Variants in DCHS2 observed in about 807,000 individuals in gnomAD.
The protein encoded by DCHS2 is dachsous cadherin-related 2.
Under a neutral mutation model 182.4 loss-of-function variants are expected in DCHS2, and 142 were observed. The ratio of observed to expected loss-of-function variants is 0.78; its 90% CI spans 0.68 to 0.89. The LOEUF is 0.89. Among genes scored for constraint, DCHS2 ranks in the 40% least tolerant of loss-of-function variants. The pLI is 0.00. For missense variants in DCHS2, 4,319 were observed against 4,198.6 expected, an observed-to-expected ratio of 1.03 and a Z score of -0.79; for synonymous variants, 1,740 against 1,663.3, an observed-to-expected ratio of 1.05 and a Z score of -1.12.
intron 3 of DCHS2, among the ~76,000 whole-genome samples, chr4:154,342,389 A>T (rs1469470792): frequency 6.6e-6 from 1 of 152,116 alleles, no homozygotes; most frequent in Non-Finnish European, 1.5e-5. Context: ...TGCCACATTG[A>T]TTGACTCTTC....
At chr4:154,262,750 A>AT (rs1160773904) in intron 14 of DCHS2, among the ~76,000 whole-genome samples, 1 of 152,224 alleles carries the variant, frequency 6.6e-6, no homozygotes, top group Non-Finnish European at 1.5e-5. Flanking sequence ...TATGTTATTC[A>AT]GTAGCTTTCA....
At chr4:154,275,073 T>A (rs556262557) in intron 13 of DCHS2, among the ~76,000 whole-genome samples, 30 of 151,850 alleles carry the variant, frequency 2.0e-4, no homozygotes, top group Non-Finnish European at 4.1e-4. Flanking sequence ...GTAAAAGGAT[T>A]TTACTGTAAA....
chr4:154,312,317 G>C (rs975992464), intron 10 of DCHS2, among the ~76,000 whole-genome samples: 23 of 152,186 alleles, frequency 1.5e-4, no homozygotes, highest in African/African-American at 5.5e-4. Context: ...GGATTAATTA[G>C]ATTGAATCTA....
intron 3 of DCHS2, chr4:154,343,655 A>C: frequency 6.8e-7 from 1 of 1,461,666 alleles, no homozygotes; most frequent in Non-Finnish European, 9.1e-7. Context: ...TCCTATATTT[A>C]AAAAGAGTTA....
chr4:154,384,831 A>C (rs1333264718), intron 1 of DCHS2, among the ~76,000 whole-genome samples: 1 of 152,186 alleles, frequency 6.6e-6, no homozygotes, highest in African/African-American at 2.4e-5. Context: ...CAGAAGGAGC[A>C]CAGCCCTGCT....
At chr4:154,404,286 G>T (rs1380999033) in intron 1 of DCHS2, among the ~76,000 whole-genome samples, 6 of 152,018 alleles carry the variant, frequency 3.9e-5, no homozygotes, top group Non-Finnish European at 8.8e-5. Context: ...ATTATTTAGA[G>T]GAGTATTGAT....
At chr4:154,444,492 A>G (rs1187225743) in intron 1 of DCHS2, among the ~76,000 whole-genome samples, 1 of 152,114 alleles carries the variant, frequency 6.6e-6, no homozygotes. Context: ...CACAATGAGA[A>G]CATATCCTGA....
chr4:154,358,693 A>G lies in DCHS2; in HGVS notation c.2476+7517T>C, dbSNP rs551070497. On this transcript the variant is annotated intron_variant, in intron 3 of 19. Coordinates refer to ENST00000357232, the MANE Select transcript of DCHS2 (RefSeq NM_001358235.2). ...TATATTATATATGCTGAATATTTCA[A>G]ACATTCACTTTTTTAAACATTTATA... Among the ~76,000 whole-genome samples, 242 of 152,216 alleles carry G rather than the reference A, an allele frequency of 1.6e-3. 1 individual carries two copies. The highest frequency in any genetic ancestry group is 5.6e-3 in the African/African-American group (231 of 41,562).
chr4:154,339,958 G>A (rs1392722693), intron 3 of DCHS2, among the ~76,000 whole-genome samples: 1 of 152,064 alleles, frequency 6.6e-6, no homozygotes, highest in Non-Finnish European at 1.5e-5. Context: ...TTGAGATTAT[G>A]GGAAGCTCAC....
chr4:154,266,326 T>G (rs1578882170), intron 14 of DCHS2, among the ~76,000 whole-genome samples: 1 of 46,090 alleles, frequency 2.2e-5, no homozygotes, highest in African/African-American at 1.6e-4. Context: ...TGCAGGGGTT[T>G]TTTTTTTGTT....
rs768097961 is a variant in DCHS2, at chr4:154,239,305, G to C, written c.7360-3C>G. The C allele has an allele frequency of 2.5e-6, 4 of 1,611,480 alleles. No homozygotes were observed. The highest frequency in any genetic ancestry group is 1.7e-4 in the Middle Eastern group (1 of 6,046). On this transcript the variant is annotated splice_region_variant and splice_polypyrimidine_tract_variant and intron_variant, in intron 18 of 19. Transcript: ENST00000357232. Reference sequence around the variant, plus strand: ...GGTATTGATTCAGGAACTGTGACCTGAGGGAAAAAGAGAAAAATAGGGACA... The same window carrying C: ...GGTATTGATTCAGGAACTGTGACCTCAGGGAAAAAGAGAAAAATAGGGACA...
At chr4:154,446,789 A>G (rs1734303751) in intron 1 of DCHS2, among the ~76,000 whole-genome samples, 1 of 152,216 alleles carries the variant, frequency 6.6e-6, no homozygotes, top group African/African-American at 2.4e-5. Context: ...AAGGAGGCAA[A>G]TAAATTAGTT....
chr4:154,260,612 C>G (rs1732943818), intron 14 of DCHS2, among the ~76,000 whole-genome samples: 1 of 152,212 alleles, frequency 6.6e-6, no homozygotes, highest in South Asian at 2.1e-4. Context: ...CCTGGAATGG[C>G]TCACACAGCG....
chr4:154,335,078 T>C lies in DCHS2; in HGVS notation c.2503A>G (p.Ser835Gly), dbSNP rs1243730265. 6.2e-7 allele frequency: 1 copy of C among 1,611,036 alleles called. No homozygotes were observed. The highest frequency in any genetic ancestry group is 1.3e-5 in the African/African-American group (1 of 74,972). ...GAAAGTGTGGTAGATTCCAAATGAC[T>C]AAGAGGTAATGTTAAGTAAATAATT... is the stretch of plus-strand genomic sequence containing the variant. ...TGIIYLTLPL[S>G]HLESTTLSLM... Residue 835 changes from serine to glycine, a missense_variant, in exon 4 of 20, where the codon AGT becomes GGT. By Grantham distance (56) the Ser-to-Gly change is moderately conservative. Coordinates refer to ENST00000357232, the MANE Select transcript of DCHS2 (RefSeq NM_001358235.2).
intron 2 of DCHS2, among the ~76,000 whole-genome samples, chr4:154,374,826 T>C (rs780355322): frequency 6.6e-6 from 1 of 152,042 alleles, no homozygotes; most frequent in East Asian, 1.9e-4. Context: ...CTTCAAAATG[T>C]ATAAGTGAAA....
chr4:154,480,882 C>A (rs950310699), intron 1 of DCHS2, among the ~76,000 whole-genome samples: 2 of 151,964 alleles, frequency 1.3e-5, no homozygotes, highest in Non-Finnish European at 2.9e-5. Context: ...CCAACAGAGG[C>A]CTCCCAAAGT....
At chr4:154,250,672 AT>A (rs1732309793) in intron 16 of DCHS2, among the ~76,000 whole-genome samples, 1 of 152,144 alleles carries the variant, frequency 6.6e-6, no homozygotes, top group Non-Finnish European at 1.5e-5. Flanking sequence ...TTGAATCAAT[AT>A]TTTAGTATGT....
chr4:154,485,335 C>T (rs1409968873), intron 1 of DCHS2, among the ~76,000 whole-genome samples: 1 of 152,168 alleles, frequency 6.6e-6, no homozygotes, highest in Non-Finnish European at 1.5e-5. Context: ...CAAAATGCTT[C>T]AGAGAGCATG....
At chr4:154,291,901 T>C (rs543957466) in intron 13 of DCHS2, among the ~76,000 whole-genome samples, 1 of 151,944 alleles carries the variant, frequency 6.6e-6, no homozygotes, top group East Asian at 1.9e-4. Context: ...CACAACAGGG[T>C]TCCTACCGTC....
Sources: allele counts gnomAD v4.1 joint callset (sites outside exome capture counted in the v4.1 genomes callset), GRCh38; gene constraint gnomAD v4.1.1; transcripts MANE v1.5; gene names NCBI Gene and HGNC (gene_info 2026-07-23, HGNC 2026-07-21).